The following SLC25A20 variants were observed in gnomAD, a reference collection of about 807,000 sequenced individuals.
SLC25A20 encodes the protein solute carrier family 25 member 20.
In SLC25A20, 29 loss-of-function variants were observed where a neutral mutation model predicts 39.7. The ratio of observed to expected loss-of-function variants is 0.73; its 90% CI spans 0.54 to 1.00. The LOEUF (loss-of-function observed/expected upper bound fraction) is 1.00. SLC25A20 is among the 50% of genes least tolerant of loss of function. The probability of loss-of-function intolerance (pLI) is 0.00; values close to 1 mark genes in which losing one functional copy is unlikely to be tolerated. For synonymous variants in SLC25A20, 103 were observed against 142.2 expected (o/e 0.72, Z 1.96); for missense variants, 333 against 379.9 (o/e 0.88, Z 1.03).
At chr3:48,889,591 C>CT (rs1297783294) in intron 2 of SLC25A20, among the ~76,000 whole-genome samples, 2 of 151,392 alleles carry the variant, frequency 1.3e-5, no homozygotes, top group Non-Finnish European at 2.9e-5. Flanking sequence ...TTTTCTTTTT[C>CT]TTTTTTTGAG....
chr3:48,889,674 G>T (rs1292537485), intron 2 of SLC25A20, among the ~76,000 whole-genome samples: 1 of 152,100 alleles, frequency 6.6e-6, no homozygotes, highest in East Asian at 1.9e-4. Flanking sequence ...GTGGGCAAAG[G>T]ATTACCTAGG....
At chr3:48,860,258 G>A (rs968791354) in intron 5 of SLC25A20, among the ~76,000 whole-genome samples, 10 of 149,284 alleles carry the variant, frequency 6.7e-5, no homozygotes, top group South Asian at 4.2e-4. Flanking sequence ...CTGAGACTGC[G>A]CCACTGCACT....
chr3:48,897,506 G>A (rs2083919273), intron 1 of SLC25A20, among the ~76,000 whole-genome samples: 1 of 151,594 alleles, frequency 6.6e-6, no homozygotes, highest in Admixed American at 6.6e-5. Context: ...ACCACAGTCT[G>A]GGAAGCACTA....
At chr3:48,859,256 A>G in intron 6 of SLC25A20, 55 bp from the exon 7 acceptor site, 1 of 1,503,086 alleles carries the variant, frequency 6.7e-7, no homozygotes, top group Non-Finnish European at 9.2e-7. Context: ...AGTGGCATTC[A>G]GACTATCCTG....
chr3:48,867,657 G>GAA (rs1333713485), intron 4 of SLC25A20, among the ~76,000 whole-genome samples: 2 of 140,548 alleles, frequency 1.4e-5, no homozygotes, highest in Admixed American at 7.2e-5. Context: ...GTGGCTGAGG[G>GAA]AAAAAAAAAA....
chr3:48,858,812 T>C (rs2083601146), intron 7 of SLC25A20, 181 bp from the exon 8 acceptor site: 1 of 777,912 alleles, frequency 1.3e-6, no homozygotes, highest in Non-Finnish European at 2.1e-6. Flanking sequence ...GCCAAGGGAA[T>C]AGAAACGAGG....
intron 2 of SLC25A20, among the ~76,000 whole-genome samples, chr3:48,887,788 G>GCTACAAGCGGGACTA (rs1413342075): frequency 6.6e-6 from 1 of 152,146 alleles, no homozygotes; most frequent in African/African-American, 2.4e-5. Flanking sequence ...TGTAGTCCCA[G>GCTACAAGCGGGACTA]CTACTCGGGA....
At chr3:48,873,950 C>G (rs1265577530) in intron 4 of SLC25A20, among the ~76,000 whole-genome samples, 2 of 100,106 alleles carry the variant, frequency 2.0e-5, no homozygotes, top group African/African-American at 8.0e-5. Context: ...GCCTGGGCGA[C>G]AGAGCAAGAC....
Position 48,898,865 on chromosome 3 carries a change from C to T in SLC25A20, c.-71G>A. 6.9e-7 allele frequency: 1 copy of T among 1,453,474 alleles called. No individual in the cohort carries two copies. Among genetic ancestry groups the T allele is most frequent in the Non-Finnish European group, 9.4e-7 (1 of 1,059,026 alleles). The allele number at this position is 1,453,474 out of a possible 1,614,324, so 90.0% of individuals were successfully genotyped here. Reference sequence around the variant, plus strand: ...GGCTTCTCAGCCCCAGCTGCAGTGCCGGCGCCGCCGACCTTTCACCCACTT... The same window carrying T: ...GGCTTCTCAGCCCCAGCTGCAGTGCTGGCGCCGCCGACCTTTCACCCACTT... On this transcript the variant is annotated 5_prime_UTR_variant, in exon 1 of 9. Coordinates refer to ENST00000319017, the MANE Select transcript of SLC25A20 (RefSeq NM_000387.6).
chr3:48,898,804 G>A lies in SLC25A20; in HGVS notation c.-10C>T, dbSNP rs1285022277. The A allele has an allele frequency of 8.3e-6, 13 of 1,556,952 alleles. No individual in the cohort carries two copies. The highest frequency in any genetic ancestry group is 1.9e-5 in the Admixed American group (1 of 51,674). On this transcript the variant is annotated 5_prime_UTR_variant, in exon 1 of 9. The change creates a new upstream start codon in the 5' untranslated region. Transcript: ENST00000319017. The stretch of plus-strand genomic sequence containing the variant: ...TTGGCTGGTCGGCCATGGTCAGTCC[G>A]TCTGTCACTCCGTCTGTCAGTTCTC...
chr3:48,891,321 C>G (rs889404996), intron 2 of SLC25A20, among the ~76,000 whole-genome samples: 2 of 151,952 alleles, frequency 1.3e-5, no homozygotes, highest in African/African-American at 2.4e-5. Context: ...GCAATCCACC[C>G]ACCTTGGCCT....
At chr3:48,890,812 G>A (rs1031780838) in intron 2 of SLC25A20, among the ~76,000 whole-genome samples, 33 of 151,100 alleles carry the variant, frequency 2.2e-4, no homozygotes, top group African/African-American at 7.0e-4. Context: ...CCGCCACGAC[G>A]TCCGGCTAAT....
chr3:48,893,852 GAAAAAAAA>G (rs978467478), intron 1 of SLC25A20, among the ~76,000 whole-genome samples: 3 of 69,112 alleles, frequency 4.3e-5, no homozygotes, highest in African/African-American at 1.1e-4. Flanking sequence ...CTTTAAAAAA[GAAAAAAAA>G]AAAAAAAAAA....
intron 4 of SLC25A20, among the ~76,000 whole-genome samples, chr3:48,873,840 G>A (rs374987539): frequency 6.6e-6 from 1 of 151,330 alleles, no homozygotes; most frequent in East Asian, 1.9e-4. Context: ...ACGGTGGCAG[G>A]CGCCTGTAGT....
At chr3:48,873,125 G>A (rs1009320279) in intron 4 of SLC25A20, among the ~76,000 whole-genome samples, 6 of 152,064 alleles carry the variant, frequency 3.9e-5, no homozygotes, top group Non-Finnish European at 8.8e-5. Context: ...TGGGGAGGCT[G>A]AGGCAGGAGA....
At chr3:48,884,832 C>T (rs1298623412) in intron 2 of SLC25A20, among the ~76,000 whole-genome samples, 3 of 150,192 alleles carry the variant, frequency 2.0e-5, no homozygotes, top group Admixed American at 1.3e-4. Context: ...AAATTATAAA[C>T]TCCATAAATG....
intron 4 of SLC25A20, among the ~76,000 whole-genome samples, chr3:48,876,067 G>A (rs1196760000): frequency 6.6e-6 from 1 of 151,908 alleles, no homozygotes; most frequent in East Asian, 1.9e-4. Flanking sequence ...TCCAGGCCAG[G>A]CACAGTGGCT....
chr3:48,857,794 G>GA (rs755818717), intron 8 of SLC25A20, 22 bp from the exon 9 acceptor site: 11 of 1,609,938 alleles, frequency 6.8e-6, no homozygotes, highest in East Asian at 2.2e-5. Context: ...TTGGGAGGAA[G>GA]AAAAAAGCCA....
At chr3:48,867,617 T>A (rs1210503519) in intron 4 of SLC25A20, among the ~76,000 whole-genome samples, 2 of 149,550 alleles carry the variant, frequency 1.3e-5, no homozygotes, top group Admixed American at 6.7e-5. Flanking sequence ...CTGATGAGAA[T>A]GATCAAGTGG....
Sources: gnomAD v4.1 joint callset for allele counts (sites outside exome capture counted in the v4.1 genomes callset) on GRCh38, gnomAD v4.1.1 for gene constraint, MANE v1.5 for transcripts, NCBI Gene and HGNC (gene_info 2026-07-23, HGNC 2026-07-21) for gene names.